ROBO2: variants seen among roughly 807,000 people sequenced by gnomAD.
The protein encoded by ROBO2 is roundabout homolog 2.
In ROBO2, 53 loss-of-function variants were observed where a neutral mutation model predicts 160.8. That is an observed-to-expected ratio of 0.33 (90% CI 0.26 to 0.41). The LOEUF (loss-of-function observed/expected upper bound fraction) is 0.41, where lower values mean the gene tolerates loss of function less well. ROBO2 is among the 10% of genes least tolerant of loss of function. The pLI, the probability that ROBO2 is intolerant of heterozygous loss-of-function variation, is 1.00. For missense variants in ROBO2, 1,577 were observed against 1,722.4 expected, an observed-to-expected ratio of 0.92 and a Z score of 1.49; for synonymous variants, 664 against 611.7, an observed-to-expected ratio of 1.09 and a Z score of -1.26.
intron 17 of ROBO2, among the ~76,000 whole-genome samples, chr3:77,591,174 G>T (rs780633405): frequency 6.6e-6 from 1 of 152,006 alleles, no homozygotes; most frequent in Non-Finnish European, 1.5e-5. Context: ...AACCATCCAA[G>T]GCACTTAAAA....
At chr3:77,515,947 T>C (rs1390872599) in intron 5 of ROBO2, among the ~76,000 whole-genome samples, 1 of 151,674 alleles carries the variant, frequency 6.6e-6, no homozygotes, top group Non-Finnish European at 1.5e-5. Context: ...TGTCTTGAAA[T>C]AACCAATTTT....
At chr3:76,417,077 T>G (rs1409397316) in intron 2 of ROBO2, among the ~76,000 whole-genome samples, 1 of 102,758 alleles carries the variant, frequency 9.7e-6, no homozygotes, top group African/African-American at 4.1e-5. Flanking sequence ...ACTGAACACC[T>G]TTTAAAGATG....
chr3:76,067,268 A>G (rs1271774784), intron 2 of ROBO2, among the ~76,000 whole-genome samples: 1 of 152,234 alleles, frequency 6.6e-6, no homozygotes, highest in Non-Finnish European at 1.5e-5. Flanking sequence ...CATCTGTTGT[A>G]TGATTAATTA....
chr3:76,857,383 A>G (rs1297857116), intron 2 of ROBO2, among the ~76,000 whole-genome samples: 1 of 152,184 alleles, frequency 6.6e-6, no homozygotes, highest in East Asian at 1.9e-4. Flanking sequence ...TCTGTTTTTA[A>G]TTACCTATAA....
chr3:76,869,596 G>A (rs1166973), intron 2 of ROBO2, among the ~76,000 whole-genome samples: 13,917 of 151,816 alleles, frequency 0.092, 763 homozygotes, highest in South Asian at 0.12. Context: ...TGATCCGCCC[G>A]CCTCGGCCTC....
chr3:76,059,825 T>A (rs1001200854), intron 2 of ROBO2, among the ~76,000 whole-genome samples: 1 of 152,202 alleles, frequency 6.6e-6, no homozygotes, highest in African/African-American at 2.4e-5. Context: ...TTAATTTTTG[T>A]ATAAGGTGTG....
At chr3:76,456,494 A>G (rs1488364012) in intron 2 of ROBO2, among the ~76,000 whole-genome samples, 1 of 152,194 alleles carries the variant, frequency 6.6e-6, no homozygotes, top group East Asian at 1.9e-4. Context: ...ACCAGCAGGT[A>G]CTTTACGTCA....
At chr3:76,054,583 G>A (rs928395596) in intron 2 of ROBO2, among the ~76,000 whole-genome samples, 4 of 152,100 alleles carry the variant, frequency 2.6e-5, no homozygotes, top group African/African-American at 9.7e-5. Context: ...TTATAAGTAG[G>A]AGCTAAACAG....
intron 2 of ROBO2, among the ~76,000 whole-genome samples, chr3:77,132,914 G>A (rs763287832): frequency 1.3e-5 from 2 of 152,136 alleles, no homozygotes; most frequent in Non-Finnish European, 2.9e-5. Context: ...GTTTACAGAA[G>A]TGAATACATC....
intron 2 of ROBO2, among the ~76,000 whole-genome samples, chr3:77,368,307 T>A (rs2071229168): frequency 6.6e-6 from 1 of 152,138 alleles, no homozygotes; most frequent in Non-Finnish European, 1.5e-5. Flanking sequence ...CAAGAGCACA[T>A]AAGAAATTTA....
At chr3:77,067,751 A>G (rs1559939662) in intron 1 of ROBO2, among the ~76,000 whole-genome samples, 1 of 152,174 alleles carries the variant, frequency 6.6e-6, no homozygotes, top group Non-Finnish European at 1.5e-5. Context: ...GCAGACCTTC[A>G]GAAAATAGAT....
At chr3:77,202,881 C>T (rs2083048782) in intron 2 of ROBO2, among the ~76,000 whole-genome samples, 1 of 152,168 alleles carries the variant, frequency 6.6e-6, no homozygotes, top group Non-Finnish European at 1.5e-5. Context: ...GGCCTTAGGA[C>T]AGAAAATACT....
chr3:76,161,807 T>C (rs776234221), intron 2 of ROBO2, among the ~76,000 whole-genome samples: 68 of 152,320 alleles, frequency 4.5e-4, no homozygotes, highest in Non-Finnish European at 8.7e-4. Context: ...CCTCTGTCTC[T>C]CCTATTCAAC....
chr3:76,041,765 A>G (rs2067281961), intron 2 of ROBO2, among the ~76,000 whole-genome samples: 1 of 151,942 alleles, frequency 6.6e-6, no homozygotes, highest in Non-Finnish European at 1.5e-5. Context: ...GCATTTATTT[A>G]ATTATTGCTT....
chr3:76,116,405 C>A (rs2070473222), intron 2 of ROBO2, among the ~76,000 whole-genome samples: 1 of 152,138 alleles, frequency 6.6e-6, no homozygotes, highest in Non-Finnish European at 1.5e-5. Context: ...GTTCTAGTCA[C>A]CCTGCTATAC....
intron 5 of ROBO2, among the ~76,000 whole-genome samples, chr3:77,516,824 C>A (rs1162354306): frequency 6.6e-6 from 1 of 151,598 alleles, no homozygotes; most frequent in Non-Finnish European, 1.5e-5. Flanking sequence ...TGTTATATTT[C>A]AAATTAGTTA....
At chr3:76,092,892 A>G (rs2069290118) in intron 2 of ROBO2, among the ~76,000 whole-genome samples, 1 of 152,222 alleles carries the variant, frequency 6.6e-6, no homozygotes, top group Non-Finnish European at 1.5e-5. Context: ...TTTTCCTGAT[A>G]GAAATCACGG....
intron 2 of ROBO2, among the ~76,000 whole-genome samples, chr3:77,341,411 C>T (rs1286338174): frequency 2.6e-5 from 4 of 152,096 alleles, no homozygotes; most frequent in Non-Finnish European, 5.9e-5. Flanking sequence ...TAGTCTTTTA[C>T]ATAGTTATAT....
At chr3:76,981,945 G>T (rs530672302) in intron 2 of ROBO2, among the ~76,000 whole-genome samples, 1 of 152,258 alleles carries the variant, frequency 6.6e-6, no homozygotes, top group Admixed American at 6.5e-5. Flanking sequence ...CATGAGGGAT[G>T]CACCCCCATC....
Sources: gnomAD v4.1 joint callset for allele counts (sites outside exome capture counted in the v4.1 genomes callset) on GRCh38, gnomAD v4.1.1 for gene constraint, MANE v1.5 for transcripts, NCBI Gene and HGNC (gene_info 2026-07-23, HGNC 2026-07-21) for gene names.